Variants in NCK2 observed in about 807,000 individuals in gnomAD.
The protein encoded by NCK2 is cytoplasmic protein NCK2.
NCK2 carries 16 observed loss-of-function variants against 33.9 expected under a neutral mutation model. That is an observed-to-expected ratio of 0.47 (90% confidence interval 0.32 to 0.72). NCK2 has a LOEUF of 0.72. NCK2 is among the 30% of genes least tolerant of loss of function. The probability of loss-of-function intolerance (pLI) is 0.03; values close to 1 mark genes in which losing one functional copy is unlikely to be tolerated. For synonymous variants in NCK2, 273 were observed against 239.9 expected, an observed-to-expected ratio of 1.14 and a Z score of -1.27; for missense variants, 418 against 537.3, an observed-to-expected ratio of 0.78 and a Z score of 2.19.
At chr2:105,789,384 C>T (rs374504585) in intron 1 of NCK2, among the ~76,000 whole-genome samples, 12 of 152,142 alleles carry the variant, frequency 7.9e-5, no homozygotes, top group East Asian at 5.8e-4. Flanking sequence ...GATGGGGTTT[C>T]GCCATGTTGG....
chr2:105,856,023 A>C (rs1305365587), intron 3 of NCK2, among the ~76,000 whole-genome samples: 1 of 152,018 alleles, frequency 6.6e-6, no homozygotes, highest in Non-Finnish European at 1.5e-5. Flanking sequence ...TTTAGTAGAG[A>C]TGGGGTTTCA....
chr2:105,748,111 CTG>C (rs1689347197), intron 1 of NCK2, among the ~76,000 whole-genome samples: 1 of 152,190 alleles, frequency 6.6e-6, no homozygotes, highest in South Asian at 2.1e-4. Context: ...GTCCTTGAAA[CTG>C]TGGAAATGAA....
At chr2:105,746,490 G>A (rs1689292425) in intron 1 of NCK2, among the ~76,000 whole-genome samples, 1 of 152,356 alleles carries the variant, frequency 6.6e-6, no homozygotes, top group South Asian at 2.1e-4. Flanking sequence ...ATTAACCTGG[G>A]CCGCTTTAAC....
At chr2:105,830,701 GTGTGTGTGTGTGTGTT>G (rs1299468393) in intron 2 of NCK2, among the ~76,000 whole-genome samples, 3 of 145,110 alleles carry the variant, frequency 2.1e-5, no homozygotes, top group East Asian at 2.2e-4. Context: ...GTGTGTGTGT[GTGTGTGTGTGTGTGTT>G]TGGTCTGATA....
At position 105,871,109 on chromosome 2, in the gene NCK2, G is replaced by A. The variant is rs563313355; in HGVS notation, c.227-10219G>A. On this transcript the variant is annotated intron_variant, in intron 3 of 4. Coordinates refer to ENST00000233154, the MANE Select transcript of NCK2 (RefSeq NM_003581.5). Reference sequence around the variant, plus strand: ...AGGGTCGATGAGTGCGTGTGAAATCGGGGTGATGAGACAGCGAGTGAGGTT... The same window carrying A: ...AGGGTCGATGAGTGCGTGTGAAATCAGGGTGATGAGACAGCGAGTGAGGTT... Among the ~76,000 whole-genome samples the A allele has an allele frequency of 3.3e-5, 5 of 152,162 alleles. No homozygotes were observed. In the East Asian group the frequency reaches 7.7e-4, roughly 23 times the overall value.
chr2:105,748,712 C>T (rs1689365430), intron 1 of NCK2, among the ~76,000 whole-genome samples: 1 of 152,230 alleles, frequency 6.6e-6, no homozygotes, highest in South Asian at 2.1e-4. Flanking sequence ...GCCACCATAC[C>T]CTGCCCTATG....
At chr2:105,879,354 G>A (rs538470479) in intron 3 of NCK2, among the ~76,000 whole-genome samples, 22 of 152,344 alleles carry the variant, frequency 1.4e-4, no homozygotes, top group African/African-American at 5.3e-4. Context: ...AAAAAAGTTT[G>A]CTTTCATGGA....
chr2:105,860,395 G>A (rs1370525351), intron 3 of NCK2, among the ~76,000 whole-genome samples: 7 of 152,198 alleles, frequency 4.6e-5, no homozygotes, highest in East Asian at 1.9e-4. Flanking sequence ...GCCAGCCTCC[G>A]TCCCAGAGGT....
At chr2:105,832,070 A>G (rs185557145) in intron 2 of NCK2, among the ~76,000 whole-genome samples, 11 of 152,204 alleles carry the variant, frequency 7.2e-5, no homozygotes, top group Non-Finnish European at 1.6e-4. Context: ...TAATGTAGAC[A>G]TCTTTCACTT....
rs533415673 is a variant in NCK2 at position 105,893,269 on chromosome 2, G to T, written c.*93G>T. 21 of 1,241,690 alleles carry T rather than the reference G, an allele frequency of 1.7e-5. 1 individual carries two copies. The South Asian group carries it at 3.1e-4, about 18-fold the overall frequency. The allele number at this position is 1,241,690 out of a possible 1,614,324, so 76.9% of individuals were successfully genotyped here. A position where few individuals can be genotyped will look rare whatever the true frequency, so the allele number is the denominator to read the frequency against. ...AGGCTCCTCCCGCGGGGACGGCCCC[G>T]ACGGCTTCTCTGCGAGTCTCTCTTT... is the stretch of plus-strand genomic sequence containing the variant. On this transcript the variant is annotated 3_prime_UTR_variant, in exon 5 of 5. Transcript: ENST00000233154.
At chr2:105,801,363 C>G (rs570581860) in intron 1 of NCK2, among the ~76,000 whole-genome samples, 49 of 152,264 alleles carry the variant, frequency 3.2e-4, no homozygotes, top group African/African-American at 9.9e-4. Context: ...GCTTGCCTCC[C>G]CCCTTCCCCA....
intron 3 of NCK2, among the ~76,000 whole-genome samples, chr2:105,863,183 C>T (rs2104607292): frequency 6.6e-6 from 1 of 152,312 alleles, no homozygotes; most frequent in South Asian, 2.1e-4. Context: ...CTCACAGCCT[C>T]TGTGATTGCT....
At chr2:105,756,120 A>G (rs963707074) in intron 1 of NCK2, among the ~76,000 whole-genome samples, 8 of 152,232 alleles carry the variant, frequency 5.3e-5, no homozygotes, top group Non-Finnish European at 1.5e-5. Flanking sequence ...TACTTGATCA[A>G]GTAGGATCAG....
chr2:105,814,607 C>T (rs1453988270), intron 1 of NCK2, among the ~76,000 whole-genome samples: 1 of 152,132 alleles, frequency 6.6e-6, no homozygotes, highest in Non-Finnish European at 1.5e-5. Context: ...CTCCTCTGTT[C>T]GCATGCAGAA....
At chr2:105,829,971 C>T (rs916753979) in intron 2 of NCK2, among the ~76,000 whole-genome samples, 11 of 152,016 alleles carry the variant, frequency 7.2e-5, no homozygotes, top group African/African-American at 2.7e-4. Context: ...GATCTGTTTA[C>T]TTATTCATTC....
At chr2:105,835,405 A>ATATATATATATATATATATATATG (rs70953537) in intron 2 of NCK2, among the ~76,000 whole-genome samples, 3 of 37,974 alleles carry the variant, frequency 7.9e-5, no homozygotes, top group African/African-American at 2.0e-4. Flanking sequence ...ATATATATAT[A>ATATATATATATATATATATATATG]CGTGTATATA....
At chr2:105,799,970 T>C (rs1483038153) in intron 1 of NCK2, among the ~76,000 whole-genome samples, 2 of 152,106 alleles carry the variant, frequency 1.3e-5, no homozygotes, top group Admixed American at 1.3e-4. Flanking sequence ...CTCCCAAGAG[T>C]TTCCTTTGGT....
At chr2:105,745,543 C>T (rs1219640627) in intron 1 of NCK2, among the ~76,000 whole-genome samples, 2 of 152,080 alleles carry the variant, frequency 1.3e-5, no homozygotes, top group Non-Finnish European at 2.9e-5. Context: ...AGCGTGGGAC[C>T]GTGCGGTGGC....
chr2:105,887,339 A>G (rs527743987), intron 4 of NCK2, among the ~76,000 whole-genome samples: 3 of 152,350 alleles, frequency 2.0e-5, no homozygotes, highest in East Asian at 1.9e-4. Flanking sequence ...GGGGAAAAAC[A>G]TGTCTTTACC....
Sources: allele counts gnomAD v4.1 joint callset (sites outside exome capture counted in the v4.1 genomes callset), GRCh38; gene constraint gnomAD v4.1.1; transcripts MANE v1.5; gene names NCBI Gene and HGNC (gene_info 2026-07-23, HGNC 2026-07-21).